CACNA1D: variants seen among roughly 807,000 people sequenced by gnomAD.
CACNA1D encodes calcium voltage-gated channel subunit alpha1 D, also known as voltage-dependent L-type calcium channel subunit alpha-1D.
Under a neutral mutation model 257.1 loss-of-function variants are expected in CACNA1D, and 55 were observed. That is an observed-to-expected ratio of 0.21 (90% confidence interval 0.17 to 0.27). The LOEUF (loss-of-function observed/expected upper bound fraction) is 0.27, where lower values mean the gene tolerates loss of function less well. Ranked by LOEUF, CACNA1D falls within the 10% of genes least tolerant of loss-of-function variation. The pLI, the probability that CACNA1D is intolerant of heterozygous loss-of-function variation, is 1.00. For synonymous variants in CACNA1D, 980 were observed against 1,014.9 expected (o/e 0.97, Z 0.65); for missense variants, 1,876 against 2,784.0 (o/e 0.67, Z 7.34).
At chr3:53,752,658 A>G (rs940213494) in intron 28 of CACNA1D, among the ~76,000 whole-genome samples, 1 of 152,174 alleles carries the variant, frequency 6.6e-6, no homozygotes, top group Admixed American at 6.5e-5. Context: ...TCAGCCTCCC[A>G]AAGTGCTGGT....
chr3:53,547,645 C>G (rs3774438), intron 3 of CACNA1D, among the ~76,000 whole-genome samples: 4 of 152,204 alleles, frequency 2.6e-5, no homozygotes, highest in African/African-American at 7.2e-5. Flanking sequence ...AAGGAAGAAA[C>G]GAGGCAGGGA....
At chr3:53,659,885 G>C (rs1411797697) in intron 4 of CACNA1D, among the ~76,000 whole-genome samples, 1 of 152,112 alleles carries the variant, frequency 6.6e-6, no homozygotes, top group Non-Finnish European at 1.5e-5. Context: ...CCTCTTCTTT[G>C]GGAACAGACT....
chr3:53,730,720 T>C (rs753780078), intron 16 of CACNA1D, among the ~76,000 whole-genome samples, 164 bp downstream of exon 16: 19 of 152,198 alleles, frequency 1.2e-4, no homozygotes, highest in Non-Finnish European at 1.8e-4. Context: ...ACGGATGGAA[T>C]CTTGGGCAGA....
chr3:53,656,953 T>G (rs1353957427), intron 4 of CACNA1D, among the ~76,000 whole-genome samples: 2 of 152,188 alleles, frequency 1.3e-5, no homozygotes, highest in African/African-American at 2.4e-5. Context: ...ATACACCACT[T>G]GTAGAAATGG....
intron 29 of CACNA1D, among the ~76,000 whole-genome samples, chr3:53,760,439 A>T (rs2095294514): frequency 6.6e-6 from 1 of 152,196 alleles, no homozygotes; most frequent in Non-Finnish European, 1.5e-5. Flanking sequence ...CCCCGTTGTA[A>T]ACAGGCTGGG....
At chr3:53,684,901 AG>A (rs1330121636) in intron 8 of CACNA1D, among the ~76,000 whole-genome samples, 1 of 152,128 alleles carries the variant, frequency 6.6e-6, no homozygotes, top group Non-Finnish European at 1.5e-5. Flanking sequence ...ATGACTTAAA[AG>A]GGGTACTAAA....
intron 3 of CACNA1D, among the ~76,000 whole-genome samples, chr3:53,584,893 G>C (rs770504493): frequency 3.9e-5 from 6 of 152,130 alleles, no homozygotes; most frequent in Non-Finnish European, 7.4e-5. Context: ...TAGAGTGGTG[G>C]GAGGGTGGGA....
chr3:53,745,181 T>C (rs939778307), intron 23 of CACNA1D, among the ~76,000 whole-genome samples: 1 of 152,164 alleles, frequency 6.6e-6, no homozygotes, highest in African/African-American at 2.4e-5. Flanking sequence ...CTGAGTCATT[T>C]ATGGGGTGGG....
intron 29 of CACNA1D, among the ~76,000 whole-genome samples, chr3:53,760,681 A>G (rs114747579): frequency 0.011 from 1,725 of 152,308 alleles, 41 homozygotes; most frequent in African/African-American, 0.039. Context: ...CTGGAAGAAG[A>G]TGTAAAATGT....
At position 53,803,554 on chromosome 3, in the gene CACNA1D, G is replaced by C. The variant is rs1371658683; in HGVS notation, c.5567G>C (p.Ser1856Thr). ...AGTGAGGAATGCTACGAGGATGACA[G>C]CTCGCCCACCTGGAGCAGGTGAGCT... Reference protein sequence around the residue: ...FSSEECYEDDSSPTWSRQNYG... With the variant: ...FSSEECYEDDTSPTWSRQNYG... The change falls in exon 44 of 48, where the codon AGC (serine) becomes ACC (threonine). Residue 1856 changes from serine to threonine, a missense_variant. Physicochemically the swap from Ser to Thr is moderately conservative, Grantham distance 58 (BLOSUM62 1). Around this residue, in one of 10 missense-constraint regions of CACNA1D, gnomAD observed 491 missense variants for 554.3 expected, o/e 0.89. Coordinates refer to ENST00000350061, the MANE Select transcript of CACNA1D (RefSeq NM_001128840.3). The C allele has an allele frequency of 6.2e-7, 1 of 1,613,964 alleles. No homozygotes were observed. The highest frequency in any genetic ancestry group is 8.5e-7 in the Non-Finnish European group (1 of 1,179,996).
At chr3:53,655,837 C>T (rs2108301399) in intron 4 of CACNA1D, among the ~76,000 whole-genome samples, 1 of 152,294 alleles carries the variant, frequency 6.6e-6, no homozygotes, top group South Asian at 2.1e-4. Flanking sequence ...GCATCTTAGT[C>T]ATGAAATCCT....
intron 3 of CACNA1D, among the ~76,000 whole-genome samples, chr3:53,579,350 T>G (rs2107737149): frequency 1.3e-5 from 2 of 152,352 alleles, no homozygotes; most frequent in African/African-American, 4.8e-5. Flanking sequence ...TTCTCTTTCC[T>G]TATTTAATTT....
At chr3:53,652,548 C>A (rs2094108532) in intron 4 of CACNA1D, among the ~76,000 whole-genome samples, 1 of 152,140 alleles carries the variant, frequency 6.6e-6, no homozygotes, top group Non-Finnish European at 1.5e-5. Flanking sequence ...GATCAGGGAG[C>A]TGTAAAATGA....
At chr3:53,712,826 A>C (rs1313647011) in intron 9 of CACNA1D, among the ~76,000 whole-genome samples, 1 of 152,202 alleles carries the variant, frequency 6.6e-6, no homozygotes, top group Non-Finnish European at 1.5e-5. Flanking sequence ...CAGAGGAGTG[A>C]GGCTCTGAGG....
In CACNA1D at chr3:53,800,601, C is replaced by A; in HGVS notation, c.5040+236C>A. 1.7e-6 allele frequency: 1 copy of A among 579,670 alleles called. No individual in the cohort carries two copies. The allele number at this position is 579,670 out of a possible 1,614,324, so 35.9% of individuals were successfully genotyped here. On this transcript the variant is annotated intron_variant, in intron 41 of 47. Transcript: ENST00000350061. The surrounding 1 kb of genome is among the most constrained non-coding windows in gnomAD (Gnocchi z 4.3). ...TTACCCAGCTTCCCCTCACTGCCTG[C>A]TTCTGAGGAGCTCGGCCACAGCCGC...
intron 8 of CACNA1D, among the ~76,000 whole-genome samples, chr3:53,687,365 A>G (rs1382025976): frequency 6.6e-6 from 1 of 152,176 alleles, no homozygotes. Context: ...TTCAAAATTT[A>G]CTGTAAAGCT....
intron 3 of CACNA1D, among the ~76,000 whole-genome samples, chr3:53,574,100 T>A (rs987638856): frequency 3.3e-5 from 5 of 152,200 alleles, no homozygotes; most frequent in Admixed American, 6.5e-5. Context: ...GAGCCCCATC[T>A]CAGGGTGCTC....
chr3:53,667,305 G>A (rs2094276543), intron 7 of CACNA1D, among the ~76,000 whole-genome samples: 1 of 151,146 alleles, frequency 6.6e-6, no homozygotes, highest in Non-Finnish European at 1.5e-5. Flanking sequence ...CATTTTAACA[G>A]CCATTTCCCA....
Position 53,747,374 on chromosome 3 carries a change from T to G in CACNA1D, c.3240T>G (p.Ser1080Arg). 6.2e-7 allele frequency: 1 copy of G among 1,614,004 alleles called. No homozygotes were observed. Among genetic ancestry groups the G allele is most frequent in the Non-Finnish European group, 8.5e-7 (1 of 1,179,852 alleles). ...TCCGTGAACGGATCTGGCAAAACAG[T>G]GATTTCAACTTCGACAACGTCCTCT... is the stretch of plus-strand genomic sequence containing the variant. ...PVVRERIWQNSDFNFDNVLSA... is the reference protein window; with the variant it reads ...PVVRERIWQNRDFNFDNVLSA... Residue 1080 changes from serine (S) to arginine (R), a missense_variant, in exon 26 of 48, where the codon AGT (serine) becomes AGG (arginine). Ser to Arg is a moderately radical substitution (Grantham distance 110). Transcript: ENST00000350061.
Sources: gnomAD v4.1 joint callset for allele counts (sites outside exome capture counted in the v4.1 genomes callset) on GRCh38, gnomAD v4.1.1 for gene constraint, gnomAD v4.1.1 regional missense constraint, Gnocchi (gnomAD v3.1) non-coding constraint, MANE v1.5 for transcripts, NCBI Gene and HGNC (gene_info 2026-07-23, HGNC 2026-07-21) for gene names.